Variants in CMSS1 observed in about 807,000 individuals in gnomAD.
CMSS1 encodes the protein protein CMSS1.
A neutral mutation model predicts 43.5 loss-of-function variants in CMSS1; 33 were observed. The observed-to-expected ratio is 0.76, with a 90% CI of 0.57 to 1.01. The LOEUF (loss-of-function observed/expected upper bound fraction) is 1.01. Among genes scored for constraint, CMSS1 ranks in the 50% least tolerant of loss-of-function variants. CMSS1 has a pLI of 0.00. For synonymous variants in CMSS1, 115 were observed against 117.2 expected, an observed-to-expected ratio of 0.98 and a Z score of 0.12; for missense variants, 313 against 326.4, an observed-to-expected ratio of 0.96 and a Z score of 0.32.
intron 1 of CMSS1, among the ~76,000 whole-genome samples, chr3:99,997,400 A>AT (rs1279554209): frequency 1.3e-5 from 2 of 152,226 alleles, no homozygotes; most frequent in Non-Finnish European, 2.9e-5. Context: ...TCACAAGTGT[A>AT]TTATTGGGAA....
chr3:99,895,051 A>G (rs1007454075), intron 1 of CMSS1, among the ~76,000 whole-genome samples: 2 of 152,184 alleles, frequency 1.3e-5, no homozygotes, highest in African/African-American at 2.4e-5. Context: ...GAAGAAAAGT[A>G]GCTCTGGAAA....
chr3:100,095,683 G>A (rs188168281), intron 1 of CMSS1, among the ~76,000 whole-genome samples: 52 of 152,158 alleles, frequency 3.4e-4, no homozygotes, highest in African/African-American at 1.3e-3. Context: ...GGAAAACATT[G>A]GAGAAACTTT....
intron 1 of CMSS1, among the ~76,000 whole-genome samples, chr3:99,827,731 G>C (rs1480932410): frequency 6.6e-6 from 1 of 152,144 alleles, no homozygotes; most frequent in Non-Finnish European, 1.5e-5. Flanking sequence ...TCAGCCTCCG[G>C]AGTAGCTGGG....
chr3:99,847,009 T>C (rs1943394301), intron 1 of CMSS1, among the ~76,000 whole-genome samples: 1 of 152,228 alleles, frequency 6.6e-6, no homozygotes, highest in Admixed American at 6.5e-5. Flanking sequence ...CCCCAGGGAC[T>C]CCCATGAGGC....
chr3:100,066,522 T>TAAAGA (rs1315180853), intron 1 of CMSS1, among the ~76,000 whole-genome samples: 31 of 74,078 alleles, frequency 4.2e-4, no homozygotes, highest in South Asian at 1.8e-3. Context: ...TGCTTCTTTT[T>TAAAGA]TTTTTTTTTT....
chr3:99,899,016 A>G (rs188523377), intron 1 of CMSS1, among the ~76,000 whole-genome samples: 2 of 152,274 alleles, frequency 1.3e-5, no homozygotes, highest in Non-Finnish European at 2.9e-5. Flanking sequence ...GAAGGCTGGA[A>G]CACACATACT....
intron 1 of CMSS1, among the ~76,000 whole-genome samples, chr3:99,990,626 A>G (rs1709483906): frequency 6.6e-6 from 1 of 152,200 alleles, no homozygotes; most frequent in South Asian, 2.1e-4. Flanking sequence ...AACCAATTAA[A>G]TCAGAATCTT....
At chr3:99,832,996 A>G (rs1942747709) in intron 1 of CMSS1, 2 of 499,338 alleles carry the variant, frequency 4.0e-6, no homozygotes, top group Non-Finnish European at 7.0e-6. Context: ...GTTTTGTCCA[A>G]ATTTGGAATG....
chr3:100,043,130 G>T (rs1009949057), intron 1 of CMSS1, among the ~76,000 whole-genome samples: 2 of 152,208 alleles, frequency 1.3e-5, no homozygotes, highest in African/African-American at 4.8e-5. Flanking sequence ...AGTATCCTGT[G>T]TCTCAAATTG....
chr3:99,988,235 C>T (rs544023733), intron 1 of CMSS1, among the ~76,000 whole-genome samples: 163 of 151,332 alleles, frequency 1.1e-3, no homozygotes, highest in African/African-American at 3.7e-3. Flanking sequence ...CAGTGCCTCA[C>T]GCCTGTAATC....
chr3:99,885,798 A>C lies in CMSS1; in HGVS notation c.64+67755A>C, dbSNP rs9875301. Among the ~76,000 whole-genome samples the C allele has an allele frequency of 5.0e-3, 765 of 152,332 alleles. 6 individuals carry two copies. The highest frequency in any genetic ancestry group is 0.017 in the African/African-American group (722 of 41,578). On this transcript the variant is annotated intron_variant, in intron 1 of 9. Transcript: ENST00000421999. ...CAAACACACACATGTACACACAGAG[A>C]CTTGAAGGCTTTTGTGTACATTTAC... is the stretch of plus-strand genomic sequence containing the variant.
intron 1 of CMSS1, among the ~76,000 whole-genome samples, chr3:100,049,422 G>T (rs986638835): frequency 6.6e-6 from 1 of 152,114 alleles, no homozygotes; most frequent in African/African-American, 2.4e-5. Flanking sequence ...TTATAAGGGA[G>T]GTTAATATGG....
chr3:100,071,760 C>T (rs1015916004), intron 1 of CMSS1, among the ~76,000 whole-genome samples: 32 of 152,194 alleles, frequency 2.1e-4, no homozygotes, highest in African/African-American at 6.8e-4. Flanking sequence ...GGCTCTACCT[C>T]CTGACTTTTC....
At chr3:99,959,850 G>A (rs994165305) in intron 1 of CMSS1, among the ~76,000 whole-genome samples, 1 of 152,140 alleles carries the variant, frequency 6.6e-6, no homozygotes, top group Non-Finnish European at 1.5e-5. Context: ...TATGAGCATG[G>A]TTCTTGACTG....
intron 3 of CMSS1, among the ~76,000 whole-genome samples, chr3:100,160,720 A>G (rs1362939410): frequency 3.3e-5 from 5 of 152,182 alleles, no homozygotes; most frequent in African/African-American, 1.2e-4. Context: ...AGTCCTGTGG[A>G]GTGCCAAATA....
chr3:99,849,788 G>C (rs1943569193), intron 1 of CMSS1: 2 of 1,613,416 alleles, frequency 1.2e-6, no homozygotes, highest in Non-Finnish European at 1.7e-6. Flanking sequence ...TCCACTTCTT[G>C]AGAGAGCTCC....
chr3:99,934,010 C>A (rs975650183), intron 1 of CMSS1, among the ~76,000 whole-genome samples: 2 of 152,148 alleles, frequency 1.3e-5, no homozygotes, highest in African/African-American at 4.8e-5. Context: ...CGGGCTCTCA[C>A]GTATTTGGCT....
intron 1 of CMSS1, among the ~76,000 whole-genome samples, chr3:99,952,097 A>T (rs1173544627): frequency 1.3e-5 from 2 of 152,122 alleles, no homozygotes; most frequent in African/African-American, 4.8e-5. Context: ...TAAAGAGAAT[A>T]TATAGATTTG....
At chr3:99,848,751 T>C in intron 1 of CMSS1, 1 of 1,614,128 alleles carries the variant, frequency 6.2e-7, no homozygotes, top group Non-Finnish European at 8.5e-7. Flanking sequence ...CCATGGTAAT[T>C]GGGGACATGC....
Sources: gnomAD v4.1 joint callset for allele counts (sites outside exome capture counted in the v4.1 genomes callset) on GRCh38, gnomAD v4.1.1 for gene constraint, MANE v1.5 for transcripts, NCBI Gene and HGNC (gene_info 2026-07-23, HGNC 2026-07-21) for gene names.